Variants in MREG observed in about 807,000 individuals in gnomAD.
MREG encodes dilute suppressor protein homolog.
A neutral mutation model predicts 28.5 loss-of-function variants in MREG; 31 were observed. That is an observed-to-expected ratio of 1.09 (90% CI 0.82 to 1.47). MREG has a LOEUF of 1.47. Among genes scored for constraint, MREG ranks in the 40% most tolerant of loss-of-function variants. The probability of loss-of-function intolerance (pLI) is 0.00; values close to 1 mark genes in which losing one functional copy is unlikely to be tolerated. For missense variants in MREG, 256 were observed against 257.4 expected (o/e 0.99, Z 0.04); for synonymous variants, 106 against 95.2 (o/e 1.11, Z -0.66).
chr2:216,014,856 T>C (rs533776006), upstream of MREG, among the ~76,000 whole-genome samples: 3 of 152,326 alleles, frequency 2.0e-5, no homozygotes, highest in African/African-American at 7.2e-5. Flanking sequence ...AGGTTCAATC[T>C]AAAGTTTTGT....
chr2:215,995,806 T>C (rs1027488078), intron 2 of MREG, among the ~76,000 whole-genome samples: 2 of 152,114 alleles, frequency 1.3e-5, no homozygotes, highest in African/African-American at 2.4e-5. Flanking sequence ...TCAAGGCTTA[T>C]CACAAGAAGT....
At chr2:215,957,177 C>T (rs17313557) in intron 2 of MREG, among the ~76,000 whole-genome samples, 3,823 of 152,242 alleles carry the variant, frequency 0.025, 65 homozygotes, top group Non-Finnish European at 0.041. Flanking sequence ...CAACCTGAAG[C>T]CACAGCAGCT....
rs537615401 is a variant in MREG at position 215,995,619 on chromosome 2, G to C, written c.255+687C>G. ...TATATTTAATACAGGTTTCTCCTCA[G>C]AGGTAGCTGATGAACACAGAAGTCA... On this transcript the variant is annotated intron_variant, in intron 2 of 4. Transcript: ENST00000263268. Among the ~76,000 whole-genome samples the C allele has an allele frequency of 6.0e-5, 9 of 150,370 alleles. 1 individual carries two copies. Among genetic ancestry groups the C allele is most frequent in the African/African-American group, 2.0e-4 (8 of 40,960 alleles).
At position 215,943,714 on chromosome 2, in the gene MREG, G is replaced by A. The variant is rs1692240115; in HGVS notation, c.*1149C>T. The A allele has an allele frequency of 9.0e-6, 3 of 331,880 alleles. No individual in the cohort carries two copies. The highest frequency in any genetic ancestry group is 1.8e-5 in the Non-Finnish European group (3 of 167,994). 20.6% of individuals were successfully genotyped at this position (331,880 alleles called of 1,614,324 possible). On this transcript the variant is annotated 3_prime_UTR_variant, in exon 5 of 5. Transcript: ENST00000263268. ...AAATTAGCCAGGTGTGGTGGCACGCGCCTGTAGTTCCAGCTACTCCAGAGG... is the reference window on the plus strand; with the variant it reads ...AAATTAGCCAGGTGTGGTGGCACGCACCTGTAGTTCCAGCTACTCCAGAGG...
At chr2:215,982,502 G>T (rs1257316966) in intron 2 of MREG, among the ~76,000 whole-genome samples, 5 of 152,070 alleles carry the variant, frequency 3.3e-5, no homozygotes, top group Non-Finnish European at 7.4e-5. Flanking sequence ...TTTAGTAATC[G>T]AATGGTGCAA....
chr2:215,945,043 A>AC, intron 4 of MREG, 46 bp from the exon 5 acceptor site: 1 of 1,520,188 alleles, frequency 6.6e-7, no homozygotes, highest in Non-Finnish European at 8.9e-7. Flanking sequence ...CAAGATAGGA[A>AC]CCAAGACATG....
At chr2:215,983,139 G>A (rs373961693) in intron 2 of MREG, among the ~76,000 whole-genome samples, 20 of 152,232 alleles carry the variant, frequency 1.3e-4, no homozygotes, top group African/African-American at 3.6e-4. Context: ...CTAGAAAATC[G>A]CTTCCCTTTT....
chr2:216,031,689 A>AAGAAAG (rs1559204146), intron 1 of MREG, among the ~76,000 whole-genome samples: 1 of 32,942 alleles, frequency 3.0e-5, no homozygotes, highest in Admixed American at 3.6e-4. Flanking sequence ...GAAAGAAAGA[A>AAGAAAG]AGAGAAAGAA....
At chr2:215,969,681 G>A (rs1693036314) in intron 2 of MREG, among the ~76,000 whole-genome samples, 1 of 152,078 alleles carries the variant, frequency 6.6e-6, no homozygotes, top group African/African-American at 2.4e-5. Context: ...ACCTCCCAAG[G>A]CCACGCATTA....
intron 1 of MREG, among the ~76,000 whole-genome samples, chr2:216,027,631 T>C (rs956250913): frequency 6.6e-6 from 1 of 152,182 alleles, no homozygotes; most frequent in Admixed American, 6.5e-5. Context: ...AAGCAGAGGT[T>C]GCAGTGAGCC....
At chr2:215,966,484 C>T (rs547988222) in intron 2 of MREG, among the ~76,000 whole-genome samples, 1 of 152,298 alleles carries the variant, frequency 6.6e-6, no homozygotes, top group South Asian at 2.1e-4. Context: ...CACAAACAAA[C>T]CTGGTCACAC....
At chr2:215,964,399 G>A (rs577651937) in intron 2 of MREG, among the ~76,000 whole-genome samples, 4 of 151,992 alleles carry the variant, frequency 2.6e-5, no homozygotes, top group Non-Finnish European at 2.9e-5. Context: ...CACCAGAATC[G>A]CTTGAACCCA....
chr2:215,979,975 AAAC>A (rs931946430), intron 2 of MREG, among the ~76,000 whole-genome samples: 14 of 25,236 alleles, frequency 5.5e-4, no homozygotes, highest in Admixed American at 2.3e-3. Context: ...AAAAACAAAC[AAAC>A]AAAAAAAAAA....
At chr2:216,010,111 A>C (rs1441989874) in intron 1 of MREG, among the ~76,000 whole-genome samples, 1 of 152,150 alleles carries the variant, frequency 6.6e-6, no homozygotes. Context: ...CCCTAAATCC[A>C]ATCACTGGTG....
intron 2 of MREG, among the ~76,000 whole-genome samples, chr2:215,990,384 C>T (rs562132963): frequency 6.6e-6 from 1 of 152,140 alleles, no homozygotes; most frequent in Non-Finnish European, 1.5e-5. Context: ...CTTACAAGAG[C>T]TCCTGAAGGA....
chr2:216,012,652 G>A (rs1694343649), intron 1 of MREG, among the ~76,000 whole-genome samples: 1 of 152,140 alleles, frequency 6.6e-6, no homozygotes, highest in African/African-American at 2.4e-5. Flanking sequence ...TTAGCTTATT[G>A]CTAATGAGCA....
In MREG at chr2:215,982,308, C is replaced by T. The variant is rs371078897; in HGVS notation, c.255+13998G>A. On this transcript the variant is annotated intron_variant, in intron 2 of 4. Coordinates refer to ENST00000263268, the MANE Select transcript of MREG (RefSeq NM_018000.3). ...TGCACTCCAGCCTGGGTGACAGGAG[C>T]AAAATTCTGTCACAGCAAAACTCCG... 2.2e-3 allele frequency among the ~76,000 whole-genome samples: 274 copies of T among 122,530 alleles called. 1 individual carries two copies. Among genetic ancestry groups the T allele is most frequent in the African/African-American group, 8.0e-3 (263 of 32,898 alleles). The allele number at this position is 122,530 out of a possible 152,430, so 80.4% of individuals were successfully genotyped here.
At chr2:215,957,523 G>A (rs1432088312) in intron 2 of MREG, among the ~76,000 whole-genome samples, 2 of 152,184 alleles carry the variant, frequency 1.3e-5, no homozygotes, top group Admixed American at 6.5e-5. Context: ...AGAAAGAGAG[G>A]AGGCGGGCAG....
At chr2:215,973,714 A>T (rs1244474047) in intron 2 of MREG, among the ~76,000 whole-genome samples, 1 of 152,262 alleles carries the variant, frequency 6.6e-6, no homozygotes, top group Non-Finnish European at 1.5e-5. Flanking sequence ...ACTAGAACAG[A>T]TTAAAGTACA....
Sources: gnomAD v4.1 joint callset for allele counts (sites outside exome capture counted in the v4.1 genomes callset) on GRCh38, gnomAD v4.1.1 for gene constraint, MANE v1.5 for transcripts, NCBI Gene and HGNC (gene_info 2026-07-23, HGNC 2026-07-21) for gene names.